PPIP5K2: variants seen among roughly 807,000 people sequenced by gnomAD.
PPIP5K2 encodes the protein diphosphoinositol pentakisphosphate kinase 2, also known as inositol hexakisphosphate and diphosphoinositol-pentakisphosphate kinase 2.
PPIP5K2 carries 105 observed loss-of-function variants against 154.6 expected under a neutral mutation model. That is an observed-to-expected ratio of 0.68 (90% CI 0.58 to 0.80). The LOEUF is 0.80. Among genes scored for constraint, PPIP5K2 ranks in the 30% least tolerant of loss-of-function variants. PPIP5K2 has a pLI of 0.00. For missense variants in PPIP5K2, 992 were observed against 1,504.6 expected (o/e 0.66, Z 5.64); for synonymous variants, 480 against 490.3 (o/e 0.98, Z 0.28).
chr5:103,164,450 C>T (rs530813172), intron 17 of PPIP5K2, among the ~76,000 whole-genome samples: 7 of 152,106 alleles, frequency 4.6e-5, no homozygotes, highest in Admixed American at 1.3e-4. Context: ...CAGGTGAATA[C>T]TTACTAAGTT....
intron 9 of PPIP5K2, among the ~76,000 whole-genome samples, chr5:103,152,401 GT>G (rs1794772489): frequency 6.6e-6 from 1 of 151,858 alleles, no homozygotes; most frequent in Admixed American, 6.6e-5. Context: ...TGAATCCAAT[GT>G]TGATTGATAT....
intron 16 of PPIP5K2, 43 bp from the exon 17 acceptor site, chr5:103,159,103 A>G (rs781883486): frequency 7.5e-7 from 1 of 1,334,434 alleles, no homozygotes; most frequent in Non-Finnish European, 1.0e-6. Context: ...TATTTTACGT[A>G]TTAATTTTTT....
intron 1 of PPIP5K2, among the ~76,000 whole-genome samples, chr5:103,125,039 A>G (rs1399299938): frequency 6.6e-6 from 1 of 152,214 alleles, no homozygotes; most frequent in Non-Finnish European, 1.5e-5. Context: ...AGGAGTATCT[A>G]TTGGATACTT....
At chr5:103,129,753 C>A in intron 2 of PPIP5K2, 50 bp downstream of exon 2, 1 of 1,484,796 alleles carries the variant, frequency 6.7e-7, no homozygotes, top group Non-Finnish European at 8.9e-7. Context: ...ACAGTATAGG[C>A]TTTTTACTAA....
At position 103,153,875 on chromosome 5, in the gene PPIP5K2, T is replaced by TC; in HGVS notation, c.1158_1159insC (p.Ile387HisfsTer23). ...TGGAACTTAGATGTGTCATAGCTGT[T>TC]ATACGTCATGGGGATCGAACACCAA... On this transcript the variant is annotated frameshift_variant, in exon 11 of 31. Transcript: ENST00000358359. LOFTEE classifies it high-confidence loss of function. 1 of 1,607,826 alleles carries TC rather than the reference T, an allele frequency of 6.2e-7. No homozygotes were observed. Among genetic ancestry groups the TC allele is most frequent in the Non-Finnish European group, 8.5e-7 (1 of 1,176,854 alleles).
intron 25 of PPIP5K2, 101 bp downstream of exon 25, chr5:103,183,508 TA>T (rs1200765943): frequency 2.0e-6 from 2 of 989,220 alleles, no homozygotes; most frequent in African/African-American, 1.7e-5. Context: ...CACATCAGAG[TA>T]AATCCTTCTG....
At chr5:103,177,584 A>G (rs1798909432) in intron 21 of PPIP5K2, 83 bp from the exon 22 acceptor site, 1 of 885,534 alleles carries the variant, frequency 1.1e-6, no homozygotes, top group Non-Finnish European at 1.7e-6. Flanking sequence ...CACTAGGATT[A>G]AACAAGCTAC....
In PPIP5K2 at chr5:103,207,807, A is replaced by C. The variant is rs1412443175; in HGVS notation, c.*6173A>C. 1 of 152,010 alleles carries C rather than the reference A, an allele frequency of 6.6e-6. No individual in the cohort carries two copies. Among genetic ancestry groups the C allele is most frequent in the Non-Finnish European group, 1.5e-5 (1 of 68,004 alleles). The allele number at this position is 152,010 out of a possible 1,614,324, so 9.4% of individuals were successfully genotyped here. A position where few individuals can be genotyped will look rare whatever the true frequency, so the allele number is the denominator to read the frequency against. On this transcript the variant is annotated 3_prime_UTR_variant, in exon 31 of 31. Coordinates refer to ENST00000358359, the MANE Select transcript of PPIP5K2 (RefSeq NM_001276277.3). ...TTCCTTAAGTTCTTTGAGTTATGAC[A>C]GTATATTTGGTCACATTTTTCATGT... is the stretch of plus-strand genomic sequence containing the variant.
intron 19 of PPIP5K2, among the ~76,000 whole-genome samples, chr5:103,170,745 A>G (rs1797857384): frequency 6.6e-6 from 1 of 151,470 alleles, no homozygotes; most frequent in Non-Finnish European, 1.5e-5. Context: ...AACTGTGGAC[A>G]GAAGGCAGGT....
At chr5:103,193,113 C>T (rs1177012876) in intron 29 of PPIP5K2, among the ~76,000 whole-genome samples, 2 of 151,922 alleles carry the variant, frequency 1.3e-5, no homozygotes, top group South Asian at 2.1e-4. Flanking sequence ...AAGAAAAAAT[C>T]GTAGAAAGAC....
intron 13 of PPIP5K2, among the ~76,000 whole-genome samples, chr5:103,155,406 C>CATTTTTT (rs1795253027): frequency 4.8e-5 from 1 of 21,050 alleles, no homozygotes; most frequent in Non-Finnish European, 1.3e-4. Flanking sequence ...TCAGAGTTGT[C>CATTTTTT]TTTTTTTTTT....
intron 21 of PPIP5K2, chr5:103,176,750 G>T: frequency 1.8e-6 from 1 of 564,188 alleles, no homozygotes; most frequent in Non-Finnish European, 3.1e-6. Flanking sequence ...GTTGACTATA[G>T]ACTTTACTTT....
rs782776704 is a variant in PPIP5K2 at position 103,180,046 on chromosome 5, T to C, written c.2780T>C (p.Ile927Thr). The C allele has an allele frequency of 5.8e-6, 9 of 1,548,162 alleles. No individual in the cohort carries two copies. The highest frequency in any genetic ancestry group is 7.8e-6 in the Non-Finnish European group (9 of 1,150,240). Residue 927 changes from isoleucine (I) to threonine (T), a missense_variant, in exon 24 of 31, where the codon ATT becomes ACT. By Grantham distance (89) the Ile-to-Thr change is moderately conservative. Around this residue, in one of 9 missense-constraint regions of PPIP5K2, gnomAD observed 204 missense variants for 224.0 expected, o/e 0.91. Transcript: ENST00000358359. ...RENEGRRPFK[I>T]DNDDEPHTSK... ...AATGAAGGCAGGAGACCTTTTAAAA[T>C]TGATAATGATGATGAACCACATACT...
Position 103,152,700 on chromosome 5 carries a change from C to T in PPIP5K2, c.1081C>T (p.Pro361Ser). Residue 361 changes from proline to serine, a missense_variant, in exon 10 of 31, where the codon CCC becomes TCC. Physicochemically the swap from Pro to Ser is moderately conservative, Grantham distance 74. Coordinates refer to ENST00000358359, the MANE Select transcript of PPIP5K2 (RefSeq NM_001276277.3). ...ACAATTTCATATTCCATGGTCAATA[C>T]CCTTAGAAGCTGAAGATATCCCAAT... Reference protein sequence around the residue: ...APQFHIPWSIPLEAEDIPIVP... With the variant: ...APQFHIPWSISLEAEDIPIVP... 6.3e-7 allele frequency: 1 copy of T among 1,596,132 alleles called. No homozygotes were observed. The highest frequency in any genetic ancestry group is 8.6e-7 in the Non-Finnish European group (1 of 1,164,366).
At chr5:103,160,092 T>C (rs1480286877) in intron 17 of PPIP5K2, among the ~76,000 whole-genome samples, 2 of 152,196 alleles carry the variant, frequency 1.3e-5, no homozygotes, top group Non-Finnish European at 2.9e-5. Flanking sequence ...TTGCTAATGA[T>C]AGGATTTCCT....
Position 103,137,967 on chromosome 5 carries a change from A to C in PPIP5K2, c.402-417A>C, listed in dbSNP as rs1405367727. Among the ~76,000 whole-genome samples, 4 of 152,288 alleles carry C rather than the reference A, an allele frequency of 2.6e-5. No homozygotes were observed. In the East Asian group the frequency reaches 7.7e-4, roughly 29 times the overall value. On this transcript the variant is annotated intron_variant, in intron 4 of 30. Coordinates refer to ENST00000358359, the MANE Select transcript of PPIP5K2 (RefSeq NM_001276277.3). Reference sequence around the variant, plus strand: ...AGAAAACAATACATACATAACAATCACATTTTACCAAATTAGAATCACTTT... The same window carrying C: ...AGAAAACAATACATACATAACAATCCCATTTTACCAAATTAGAATCACTTT...
chr5:103,154,045 T>A (rs1304192650), intron 11 of PPIP5K2, 111 bp downstream of exon 11: 1 of 700,894 alleles, frequency 1.4e-6, no homozygotes, highest in Non-Finnish European at 2.3e-6. Flanking sequence ...ATCTACTGTC[T>A]CTTGGCCATT....
chr5:103,122,704 T>C (rs17155075), intron 1 of PPIP5K2, among the ~76,000 whole-genome samples: 7,918 of 152,266 alleles, frequency 0.052, 526 homozygotes, highest in African/African-American at 0.16. Flanking sequence ...TGTTTGCGTT[T>C]AGGCTAAGCA....
Position 103,207,457 on chromosome 5 carries a change from T to G in PPIP5K2, c.*5823T>G, listed in dbSNP as rs1375720032. The G allele has an allele frequency of 6.6e-6, 1 of 152,190 alleles. No individual in the cohort carries two copies. The highest frequency in any genetic ancestry group is 1.5e-5 in the Non-Finnish European group (1 of 68,038). The allele number at this position is 152,190 out of a possible 1,614,324, so 9.4% of individuals were successfully genotyped here. A position where few individuals can be genotyped will look rare whatever the true frequency, so the allele number is the denominator to read the frequency against. On this transcript the variant is annotated 3_prime_UTR_variant, in exon 31 of 31. Transcript: ENST00000358359. ...GAGGGCATGGATAATGGATACATAA[T>G]CAGCAATGTATGCTGTATACTACAC...
Sources: allele counts gnomAD v4.1 joint callset (sites outside exome capture counted in the v4.1 genomes callset), GRCh38; gene constraint gnomAD v4.1.1; regional missense constraint gnomAD v4.1.1; transcripts MANE v1.5; gene names NCBI Gene and HGNC (gene_info 2026-07-23, HGNC 2026-07-21).